The following SHC2 variants were observed in gnomAD, a reference collection of about 807,000 sequenced individuals.
SHC2 encodes the protein SHC adaptor protein 2, also known as SHC-transforming protein 2.
SHC2 carries 62 observed loss-of-function variants against 60.6 expected under a neutral mutation model. That is an observed-to-expected ratio of 1.02 (90% CI 0.83 to 1.26). The LOEUF (loss-of-function observed/expected upper bound fraction) is 1.26. Ranked by LOEUF, SHC2 falls within the 50% of genes most tolerant of loss-of-function variation. The pLI, the probability that SHC2 is intolerant of heterozygous loss-of-function variation, is 0.00. For missense variants in SHC2, 873 were observed against 822.2 expected (o/e 1.06, Z -0.76); for synonymous variants, 375 against 372.4 (o/e 1.01, Z -0.08).
In SHC2 at chr19:440,874, G is replaced by A. The variant is rs199803042; in HGVS notation, c.527C>T (p.Thr176Met). ...GTTGGAGGCTCACCTGGTCACCTGC[G>A]TGCGCGTGTTAAAGTCCAGGGAGCG... ...SMRSLDFNTR[T>M]QVTREAINRL... Residue 176 changes from threonine to methionine, a missense_variant, in exon 2 of 13, where the codon ACG becomes ATG. Coordinates refer to ENST00000264554, the MANE Select transcript of SHC2 (RefSeq NM_012435.3). This position sits in a 1 kb window ranked among gnomAD's most constrained non-coding sequence, Gnocchi z 7.0. 3.3e-4 allele frequency: 532 copies of A among 1,612,706 alleles called. 1 individual carries two copies. Among genetic ancestry groups the A allele is most frequent in the Middle Eastern group, 8.3e-4 (5 of 6,060 alleles).
intron 6 of SHC2, 33 bp downstream of exon 6, chr19:436,347 C>A: frequency 6.3e-7 from 1 of 1,596,658 alleles, no homozygotes; most frequent in Non-Finnish European, 8.6e-7. Context: ...CCCCCAGCCA[C>A]AGGACCCCCA....
chr19:434,909 G>A, intron 7 of SHC2, 44 bp from the exon 8 acceptor site: 1 of 1,590,554 alleles, frequency 6.3e-7, no homozygotes. Context: ...CAGGGCCCAA[G>A]GGGGCTAAAG....
In SHC2 at chr19:425,309, G is replaced by A. The variant is rs1181389162; in HGVS notation, c.1175-78C>T. The A allele has an allele frequency of 1.6e-5, 19 of 1,186,998 alleles. No homozygotes were observed. Among genetic ancestry groups the A allele is most frequent in the Admixed American group, 1.1e-4 (3 of 26,786 alleles). 73.5% of individuals were successfully genotyped at this position (1,186,998 alleles called of 1,614,324 possible). A position where few individuals can be genotyped will look rare whatever the true frequency, so the allele number is the denominator to read the frequency against. On this transcript the variant is annotated intron_variant, in intron 9 of 12. Transcript: ENST00000264554. This position sits in a 1 kb window ranked among gnomAD's most constrained non-coding sequence, Gnocchi z 4.1. ...CGCAGGGAGCAAGGCGGGGTCCCAC[G>A]AGGAGCTCCCCCGGCCACCACCTGT...
intron 1 of SHC2, among the ~76,000 whole-genome samples, chr19:444,734 A>T (rs1049577584): frequency 6.6e-6 from 1 of 152,168 alleles, no homozygotes; most frequent in Non-Finnish European, 1.5e-5. Flanking sequence ...TCTGCTGCGG[A>T]CACGCTGTGC....
chr19:436,069 G>C, intron 7 of SHC2, 96 bp downstream of exon 7: 1 of 1,368,170 alleles, frequency 7.3e-7, no homozygotes, highest in South Asian at 1.3e-5. Context: ...ACAAGGGCAG[G>C]ACGGAGGCTG....
At chr19:444,132 G>A (rs948883431) in intron 1 of SHC2, among the ~76,000 whole-genome samples, 7 of 148,136 alleles carry the variant, frequency 4.7e-5, no homozygotes, top group South Asian at 4.4e-4. Context: ...GGACAGATGG[G>A]TGGATTGGTG....
Position 419,026 on chromosome 19 carries a change from T to C in SHC2, c.1651A>G (p.Ile551Val). ...VRTKDVLFESISHLIDHHLQN... is the reference protein window; with the variant it reads ...VRTKDVLFESVSHLIDHHLQN... ...AGGTGGTGGTCGATCAGGTGGCTGATGCTCTCAAACAGCACGTCCTTCGTC... is the reference window on the plus strand; with the variant it reads ...AGGTGGTGGTCGATCAGGTGGCTGACGCTCTCAAACAGCACGTCCTTCGTC... Residue 551 changes from isoleucine (I) to valine (V), a missense_variant, in exon 12 of 13, where the codon ATC (isoleucine) becomes GTC (valine). Coordinates refer to ENST00000264554, the MANE Select transcript of SHC2 (RefSeq NM_012435.3). 6.3e-7 allele frequency: 1 copy of C among 1,587,114 alleles called. No individual in the cohort carries two copies. The highest frequency in any genetic ancestry group is 8.6e-7 in the Non-Finnish European group (1 of 1,167,022).
intron 1 of SHC2, among the ~76,000 whole-genome samples, chr19:450,456 G>A (rs773399141): frequency 7.2e-5 from 11 of 152,120 alleles, no homozygotes; most frequent in Non-Finnish European, 8.8e-5. Flanking sequence ...TCTCCAGAAC[G>A]TCCTCATCTT....
intron 7 of SHC2, among the ~76,000 whole-genome samples, chr19:435,444 C>T (rs1013925849): frequency 6.6e-6 from 1 of 152,258 alleles, no homozygotes; most frequent in Non-Finnish European, 1.5e-5. Flanking sequence ...GTGCATCAAG[C>T]ACGCTGTCCC....
Position 425,550 on chromosome 19 carries a change from G to A in SHC2, c.1175-319C>T, listed in dbSNP as rs1420630991. Among the ~76,000 whole-genome samples the A allele has an allele frequency of 6.6e-6, 1 of 152,160 alleles. No individual in the cohort carries two copies. The highest frequency in any genetic ancestry group is 1.5e-5 in the Non-Finnish European group (1 of 68,022). On this transcript the variant is annotated intron_variant, in intron 9 of 12. Coordinates refer to ENST00000264554, the MANE Select transcript of SHC2 (RefSeq NM_012435.3). This position sits in a 1 kb window ranked among gnomAD's most constrained non-coding sequence, Gnocchi z 4.1. Reference sequence around the variant, plus strand: ...ACCCCACCCCGCCCTGGCCCTCCCCGGCCCAGGGTCCAGAGCTTCCCAGTG... The same window carrying A: ...ACCCCACCCCGCCCTGGCCCTCCCCAGCCCAGGGTCCAGAGCTTCCCAGTG...
At position 422,764 on chromosome 19, in the gene SHC2, G is replaced by A. The variant is rs1286396962; in HGVS notation, c.1310-308C>T. ...TTTCTTTTTCCTGCCTTGTCAGGTG[G>A]GCTTCCTTCCCAAAGCGTACGCCTC... is the stretch of plus-strand genomic sequence containing the variant. On this transcript the variant is annotated intron_variant, in intron 10 of 12. Transcript: ENST00000264554. The surrounding 1 kb of genome is among the most constrained non-coding windows in gnomAD (Gnocchi z 5.0). 3.5e-6 allele frequency: 1 copy of A among 288,746 alleles called. No homozygotes were observed. Among genetic ancestry groups the A allele is most frequent in the African/African-American group, 2.2e-5 (1 of 45,818 alleles). The allele number at this position is 288,746 out of a possible 1,614,324, so 17.9% of individuals were successfully genotyped here.
intron 1 of SHC2, among the ~76,000 whole-genome samples, chr19:443,195 T>G (rs1489516675): frequency 6.8e-6 from 1 of 146,084 alleles, no homozygotes; most frequent in Non-Finnish European, 1.5e-5. Flanking sequence ...CATGGGTGGA[T>G]GGGTGGGTAG....
rs1311675733 is a variant in SHC2, at chr19:439,787, A to T, written c.540-757T>A. Among the ~76,000 whole-genome samples, 3 of 152,066 alleles carry T rather than the reference A, an allele frequency of 2.0e-5. No homozygotes were observed. The East Asian group carries it at 5.8e-4, about 29-fold the overall frequency. ...CCACCTGTCATCCCAACACTTGGGG[A>T]GGCTGAGACGGGCGGATCACCTGAG... is the stretch of plus-strand genomic sequence containing the variant. On this transcript the variant is annotated intron_variant, in intron 2 of 12. Coordinates refer to ENST00000264554, the MANE Select transcript of SHC2 (RefSeq NM_012435.3).
rs371105830 is a variant in SHC2, at chr19:425,169, G to A, written c.1237C>T (p.Leu413=). Residue 413 remains leucine, a synonymous_variant, in exon 10 of 13, where the codon CTG becomes TTG. Coordinates refer to ENST00000264554, the MANE Select transcript of SHC2 (RefSeq NM_012435.3). This position sits in a 1 kb window ranked among gnomAD's most constrained non-coding sequence, Gnocchi z 4.1. ...ARGPPDHEEH[L]YVNTQGLDAP... is the part of the protein sequence containing the mutation. ...TCCAGACCCTGGGTGTTGACATACA[G>A]GTGCTCCTCGTGGTCCGGGGGGCCC... 3.7e-6 allele frequency: 5 copies of A among 1,360,188 alleles called. No individual in the cohort carries two copies. The Admixed American group carries it at 1.2e-4, about 32-fold the overall frequency. The allele number at this position is 1,360,188 out of a possible 1,614,324, so 84.3% of individuals were successfully genotyped here. A position where few individuals can be genotyped will look rare whatever the true frequency, so the allele number is the denominator to read the frequency against.
intron 9 of SHC2, among the ~76,000 whole-genome samples, chr19:426,231 C>T (rs1166543580): frequency 6.6e-6 from 1 of 152,204 alleles, no homozygotes; most frequent in Non-Finnish European, 1.5e-5. Context: ...GTGACGAGGG[C>T]AGAGGGGCTT....
At chr19:448,026 G>C (rs929635761) in intron 1 of SHC2, among the ~76,000 whole-genome samples, 3 of 152,230 alleles carry the variant, frequency 2.0e-5, no homozygotes, top group African/African-American at 7.2e-5. Context: ...GCCGGGGCCA[G>C]GGCTGGGGAG....
intron 4 of SHC2, among the ~76,000 whole-genome samples, chr19:436,930 C>A (rs1305853016): frequency 6.6e-6 from 1 of 152,086 alleles, no homozygotes; most frequent in Non-Finnish European, 1.5e-5. Flanking sequence ...CAGGAGGTCA[C>A]ACGGGAATGT....
In SHC2 at chr19:430,770, T is replaced by C. The variant is rs745361872; in HGVS notation, c.1111-23A>G. On this transcript the variant is annotated intron_variant, in intron 8 of 12. Coordinates refer to ENST00000264554, the MANE Select transcript of SHC2 (RefSeq NM_012435.3). ...GCCCTGGAAACAGAGCAGTGAGAGG[T>C]TCCCCGGTGTGTGCAAGCCCCTCTT... The C allele has an allele frequency of 3.7e-6, 6 of 1,610,096 alleles. No individual in the cohort carries two copies. In the Admixed American group the frequency reaches 6.7e-5, roughly 18 times the overall value.
chr19:441,046 C>A lies in SHC2; in HGVS notation c.469-114G>T. 1 of 1,531,042 alleles carries A rather than the reference C, an allele frequency of 6.5e-7. No homozygotes were observed. The highest frequency in any genetic ancestry group is 1.2e-5 in the South Asian group (1 of 83,784). The allele number at this position is 1,531,042 out of a possible 1,614,324, so 94.8% of individuals were successfully genotyped here. A position where few individuals can be genotyped will look rare whatever the true frequency, so the allele number is the denominator to read the frequency against. On this transcript the variant is annotated intron_variant, in intron 1 of 12. Coordinates refer to ENST00000264554, the MANE Select transcript of SHC2 (RefSeq NM_012435.3). The surrounding 1 kb of genome is among the most constrained non-coding windows in gnomAD (Gnocchi z 4.9). Reference sequence around the variant, plus strand: ...CACCCCTGGGGTCGAGCCCTTTCCTCTGTCCCTGGTGGCTCTGGGGCCGTC... The same window carrying A: ...CACCCCTGGGGTCGAGCCCTTTCCTATGTCCCTGGTGGCTCTGGGGCCGTC...
Sources: allele counts gnomAD v4.1 joint callset (sites outside exome capture counted in the v4.1 genomes callset), GRCh38; gene constraint gnomAD v4.1.1; non-coding constraint Gnocchi (gnomAD v3.1); transcripts MANE v1.5; gene names NCBI Gene and HGNC (gene_info 2026-07-23, HGNC 2026-07-21).